Variants in LAMA2 observed in about 807,000 individuals in gnomAD.
LAMA2 encodes the protein laminin subunit alpha 2, also known as laminin subunit alpha-2.
LAMA2 carries 269 observed loss-of-function variants against 364.8 expected under a neutral mutation model. That is an observed-to-expected ratio of 0.74 (90% confidence interval 0.67 to 0.82). The LOEUF is 0.82. Ranked by LOEUF, LAMA2 falls within the 40% of genes least tolerant of loss-of-function variation. LAMA2 has a pLI of 0.00. For synonymous variants in LAMA2, 1,379 were observed against 1,370.6 expected (o/e 1.01, Z -0.14); for missense variants, 3,807 against 3,873.2 (o/e 0.98, Z 0.45).
intron 1 of LAMA2, among the ~76,000 whole-genome samples, chr6:128,969,406 A>G (rs762422733): frequency 6.6e-6 from 1 of 152,154 alleles, no homozygotes; most frequent in Non-Finnish European, 1.5e-5. Flanking sequence ...CATAGTTGTA[A>G]AAATTTAGGT....
chr6:128,959,662 G>A lies in LAMA2; in HGVS notation c.112+76305G>A, dbSNP rs146970566. Among the ~76,000 whole-genome samples the A allele has an allele frequency of 1.0e-3, 156 of 152,154 alleles. 1 individual carries two copies. The highest frequency in any genetic ancestry group is 5.6e-3 in the South Asian group (27 of 4,820). ...TAAGATTTACCATTCCCAATGAGCC[G>A]CCTCTTGTCCTTTTATTTATTTTTG... On this transcript the variant is annotated intron_variant, in intron 1 of 64. Transcript: ENST00000421865.
chr6:129,145,334 A>G (rs1778371721), intron 5 of LAMA2, among the ~76,000 whole-genome samples: 1 of 152,036 alleles, frequency 6.6e-6, no homozygotes, highest in Non-Finnish European at 1.5e-5. Context: ...CATATGTCAG[A>G]TGTTTTAGTG....
chr6:129,381,784 T>C (rs1288350806), intron 34 of LAMA2, among the ~76,000 whole-genome samples: 1 of 146,568 alleles, frequency 6.8e-6, no homozygotes, highest in Non-Finnish European at 1.5e-5. Flanking sequence ...GTATATGTAC[T>C]GCAAATTATA....
chr6:129,144,092 T>C lies in LAMA2; in HGVS notation c.819+12T>C. On this transcript the variant is annotated intron_variant, in intron 5 of 64. Transcript: ENST00000421865. ...TTGTCACCAGAAGAGTAAGTTATGA[T>C]GAATCATATTAGAGCCTACAAATGA... 1 of 1,600,956 alleles carries C rather than the reference T, an allele frequency of 6.2e-7. No homozygotes were observed. The highest frequency in any genetic ancestry group is 8.6e-7 in the Non-Finnish European group (1 of 1,168,642).
chr6:129,478,047 G>A (rs1242099006), intron 53 of LAMA2, among the ~76,000 whole-genome samples: 1 of 152,086 alleles, frequency 6.6e-6, no homozygotes, highest in Admixed American at 6.6e-5. Flanking sequence ...TCCCTCTTCG[G>A]CCTCCCAAAA....
At chr6:128,951,442 C>A (rs1780815189) in intron 1 of LAMA2, among the ~76,000 whole-genome samples, 1 of 151,984 alleles carries the variant, frequency 6.6e-6, no homozygotes, top group Admixed American at 6.6e-5. Flanking sequence ...ATGGGGACCC[C>A]CTTTAAGAGA....
At chr6:129,249,542 G>A (rs962225989) in intron 12 of LAMA2, among the ~76,000 whole-genome samples, 1 of 152,202 alleles carries the variant, frequency 6.6e-6, no homozygotes, top group African/African-American at 2.4e-5. Context: ...TAATTGCACA[G>A]AGGAAAGTAT....
chr6:128,957,836 A>ATTTTTTTTTTTTTTTTTTTTTTT (rs10652900), intron 1 of LAMA2, among the ~76,000 whole-genome samples: 1 of 51,264 alleles, frequency 2.0e-5, no homozygotes, highest in African/African-American at 7.9e-5. Flanking sequence ...TACTTCATGC[A>ATTTTTTTTTTTTTTTTTTTTTTT]TTTTTTTTTT....
intron 12 of LAMA2, among the ~76,000 whole-genome samples, chr6:129,242,666 G>T (rs1011904941): frequency 1.3e-5 from 2 of 152,082 alleles, no homozygotes; most frequent in Non-Finnish European, 2.9e-5. Context: ...TAGTAAAAGT[G>T]CTAATGGAAT....
At chr6:129,359,317 CATATCATAAAACAT>C (rs1323935382) in intron 32 of LAMA2, among the ~76,000 whole-genome samples, 1 of 148,906 alleles carries the variant, frequency 6.7e-6, no homozygotes, top group Non-Finnish European at 1.5e-5. Context: ...ATATAAAACA[CATATCATAAAACAT>C]ATATATAAAA....
At chr6:129,364,410 T>C (rs887524607) in intron 32 of LAMA2, among the ~76,000 whole-genome samples, 1 of 152,212 alleles carries the variant, frequency 6.6e-6, no homozygotes, top group Admixed American at 6.5e-5. Context: ...CTAACATGTA[T>C]ATAGCATTGA....
In LAMA2 at chr6:129,445,681, GC is replaced by G; in HGVS notation, c.6291del (p.Thr2098LeufsTer5). 1 of 1,613,940 alleles carries G rather than the reference GC, an allele frequency of 6.2e-7. No individual in the cohort carries two copies. The highest frequency in any genetic ancestry group is 8.5e-7 in the Non-Finnish European group (1 of 1,179,900). ...GTTCTATGCAGTTGCCGATGCAGAT[GC>G]CACTGTCAAAAATTTAGAACAGGAA... is the stretch of plus-strand genomic sequence containing the variant. ...SKNKIIADAD[A>X]TVKNLEQEAD... On this transcript the variant is annotated frameshift_variant, in exon 45 of 65. Transcript: ENST00000421865. LOFTEE classifies it high-confidence loss of function.
intron 2 of LAMA2, among the ~76,000 whole-genome samples, chr6:129,057,912 C>G (rs1391742246): frequency 6.7e-6 from 1 of 149,880 alleles, no homozygotes; most frequent in East Asian, 1.9e-4. Context: ...CATTCATAAG[C>G]CACTCATTCG....
At chr6:128,972,542 A>C (rs1479856210) in intron 1 of LAMA2, among the ~76,000 whole-genome samples, 1 of 152,240 alleles carries the variant, frequency 6.6e-6, no homozygotes, top group Non-Finnish European at 1.5e-5. Context: ...CAAAACCTTG[A>C]TGCTTTCAGT....
chr6:128,983,231 A>G (rs1302468377), intron 1 of LAMA2, among the ~76,000 whole-genome samples: 4 of 152,036 alleles, frequency 2.6e-5, no homozygotes, highest in Admixed American at 1.3e-4. Flanking sequence ...TCCCACCAAC[A>G]GTGTAAAAGT....
At chr6:129,506,809 C>A (rs1786120673) in intron 61 of LAMA2, among the ~76,000 whole-genome samples, 1 of 152,096 alleles carries the variant, frequency 6.6e-6, no homozygotes, top group Non-Finnish European at 1.5e-5. Flanking sequence ...TATTACTTTT[C>A]TTTCATAGGT....
At chr6:129,014,000 G>A (rs1046110569) in intron 1 of LAMA2, among the ~76,000 whole-genome samples, 1 of 152,108 alleles carries the variant, frequency 6.6e-6, no homozygotes, top group Non-Finnish European at 1.5e-5. Flanking sequence ...AAGGAAAGAG[G>A]AGAAACTTTA....
At chr6:129,320,260 A>G (rs568724178) in intron 27 of LAMA2, among the ~76,000 whole-genome samples, 2 of 152,284 alleles carry the variant, frequency 1.3e-5, no homozygotes, top group East Asian at 1.9e-4. Context: ...TGAGCAGACT[A>G]AAGAGGAGGA....
intron 12 of LAMA2, among the ~76,000 whole-genome samples, chr6:129,208,747 A>G (rs1450267823): frequency 4.2e-5 from 6 of 144,544 alleles, no homozygotes; most frequent in African/African-American, 1.1e-4. Context: ...GGGAGGGAGG[A>G]AGGAAGGAAG....
Sources: gnomAD v4.1 joint callset for allele counts (sites outside exome capture counted in the v4.1 genomes callset) on GRCh38, gnomAD v4.1.1 for gene constraint, MANE v1.5 for transcripts, NCBI Gene and HGNC (gene_info 2026-07-23, HGNC 2026-07-21) for gene names.